The following DCP2 variants were observed in gnomAD, a reference collection of about 807,000 sequenced individuals.
DCP2 encodes m7GpppN-mRNA hydrolase.
Under a neutral mutation model 56.1 loss-of-function variants are expected in DCP2, and 30 were observed. The ratio of observed to expected loss-of-function variants is 0.53; its 90% CI spans 0.40 to 0.73. DCP2 has a LOEUF of 0.73. DCP2 is among the 30% of genes least tolerant of loss of function. The pLI is 0.00. For missense variants in DCP2, 533 were observed against 502.7 expected (o/e 1.06, Z -0.58); for synonymous variants, 197 against 163.3 (o/e 1.21, Z -1.57).
chr5:113,021,378 A>AAAAC lies in DCP2; in HGVS notation c.*7897_*7900dup, dbSNP rs1231156703. Among the ~76,000 whole-genome samples, 2 of 134,000 alleles carry AAAAC rather than the reference A, an allele frequency of 1.5e-5. No individual in the cohort carries two copies. Among genetic ancestry groups the AAAAC allele is most frequent in the East Asian group, 4.1e-4 (2 of 4,918 alleles). 87.9% of individuals were successfully genotyped at this position (134,000 alleles called of 152,430 possible). On this transcript the variant is annotated 3_prime_UTR_variant, in exon 11 of 11. Coordinates refer to ENST00000389063, the MANE Select transcript of DCP2 (RefSeq NM_152624.6). ...GCAAGACTCTGTCTGGAAAAAACAA[A>AAAAC]AAACAACCAAAAAAAAAAAAAAAAA...
At chr5:113,005,710 C>T (rs985269432) in intron 8 of DCP2, among the ~76,000 whole-genome samples, 2 of 152,182 alleles carry the variant, frequency 1.3e-5, no homozygotes, top group Non-Finnish European at 2.9e-5. Context: ...TACCAATGTT[C>T]ATAGCAGCAT....
intron 4 of DCP2, among the ~76,000 whole-genome samples, chr5:113,000,498 A>G (rs1580819992): frequency 1.3e-5 from 2 of 152,174 alleles, no homozygotes; most frequent in East Asian, 3.8e-4. Flanking sequence ...GCACATATTG[A>G]TAGGTAAACT....
Position 112,986,290 on chromosome 5 carries a change from A to G in DCP2, c.205+304A>G, listed in dbSNP as rs184701554. On this transcript the variant is annotated intron_variant, in intron 2 of 10. Coordinates refer to ENST00000389063, the MANE Select transcript of DCP2 (RefSeq NM_152624.6). Reference sequence around the variant, plus strand: ...TACTCTTGCTGCTGCATGTAACCAGATGATCTTTTAATCAGATTACTGCCT... The same window carrying G: ...TACTCTTGCTGCTGCATGTAACCAGGTGATCTTTTAATCAGATTACTGCCT... Among the ~76,000 whole-genome samples, 9 of 151,932 alleles carry G rather than the reference A, an allele frequency of 5.9e-5. No homozygotes were observed. The East Asian group carries it at 1.7e-3, about 29-fold the overall frequency.
At chr5:112,984,693 A>ATATATAT (rs1267092599) in intron 1 of DCP2, 6 of 75,716 alleles carry the variant, frequency 7.9e-5, no homozygotes, top group African/African-American at 4.6e-4. Context: ...AATTAAAAAA[A>ATATATAT]AAAAAAAAAA....
At chr5:112,989,583 T>A (rs1245901609) in intron 2 of DCP2, among the ~76,000 whole-genome samples, 1 of 152,138 alleles carries the variant, frequency 6.6e-6, no homozygotes, top group African/African-American at 2.4e-5. Flanking sequence ...GGCTAAAACA[T>A]GTAGGGGTCT....
intron 8 of DCP2, among the ~76,000 whole-genome samples, chr5:113,004,608 A>G (rs184954886): frequency 2.9e-4 from 44 of 152,298 alleles, no homozygotes; most frequent in Non-Finnish European, 5.6e-4. Flanking sequence ...CTGTCTTTTG[A>G]TGAATATACA....
intron 1 of DCP2, among the ~76,000 whole-genome samples, chr5:112,982,712 C>T (rs1000615171): frequency 2.6e-5 from 4 of 152,098 alleles, no homozygotes; most frequent in Admixed American, 6.5e-5. Context: ...AATACAGTTG[C>T]TCTGAAAAAG....
intron 1 of DCP2, among the ~76,000 whole-genome samples, chr5:112,978,864 A>G (rs922156750): frequency 6.6e-6 from 1 of 152,226 alleles, no homozygotes; most frequent in Admixed American, 6.5e-5. Flanking sequence ...GTGATCAGTA[A>G]TTAGCTGTGT....
chr5:112,977,339 T>A (rs1747761352), intron 1 of DCP2, among the ~76,000 whole-genome samples: 1 of 152,218 alleles, frequency 6.6e-6, no homozygotes, highest in Admixed American at 6.5e-5. Context: ...TTTCTGCCTC[T>A]GTGACTTTTC....
At chr5:112,996,138 A>G (rs1211547114) in intron 4 of DCP2, among the ~76,000 whole-genome samples, 3 of 152,212 alleles carry the variant, frequency 2.0e-5, no homozygotes, top group Non-Finnish European at 2.9e-5. Context: ...GACATAATTT[A>G]GTCCATAGCA....
At chr5:112,991,226 A>G (rs1748572242) in intron 2 of DCP2, among the ~76,000 whole-genome samples, 1 of 152,256 alleles carries the variant, frequency 6.6e-6, no homozygotes, top group Non-Finnish European at 1.5e-5. Flanking sequence ...AACACAGTAT[A>G]CAAATTTTTA....
Position 113,009,699 on chromosome 5 carries a change from A to G in DCP2, c.1048-1057A>G, listed in dbSNP as rs551846009. ...TAGATCTGTGCAGTGGGTTACCATC[A>G]AGTTGCTAAAAATGACAATGTACAT... On this transcript the variant is annotated intron_variant, in intron 9 of 10. Coordinates refer to ENST00000389063, the MANE Select transcript of DCP2 (RefSeq NM_152624.6). Among the ~76,000 whole-genome samples, 56 of 152,308 alleles carry G rather than the reference A, an allele frequency of 3.7e-4. No individual in the cohort carries two copies. The South Asian group carries it at 0.011, about 31-fold the overall frequency.
At position 113,014,419 on chromosome 5, in the gene DCP2, A is replaced by G. The variant is rs1235508659; in HGVS notation, c.*935A>G. On this transcript the variant is annotated 3_prime_UTR_variant, in exon 11 of 11. Transcript: ENST00000389063. ...GATGTTACATTAGGTTCCAATTCGC[A>G]ATAGTAGCAGAGACTGACATGCTTT... The G allele has an allele frequency of 6.6e-6, 1 of 152,300 alleles. No individual in the cohort carries two copies. The highest frequency in any genetic ancestry group is 1.9e-4 in the East Asian group (1 of 5,202). 9.4% of individuals were successfully genotyped at this position (152,300 alleles called of 1,614,324 possible). A position where few individuals can be genotyped will look rare whatever the true frequency, so the allele number is the denominator to read the frequency against.
At chr5:112,992,336 G>T in intron 3 of DCP2, 88 bp downstream of exon 3, 1 of 1,493,006 alleles carries the variant, frequency 6.7e-7, no homozygotes, top group Non-Finnish European at 8.9e-7. Context: ...TTTCTAAATT[G>T]AGGTTTTAAA....
At chr5:113,003,824 G>A (rs1004946003) in intron 7 of DCP2, 118 bp from the exon 8 acceptor site, 2 of 1,168,752 alleles carry the variant, frequency 1.7e-6, no homozygotes, top group Non-Finnish European at 2.5e-6. Context: ...TTACATTCCA[G>A]TGGGGAAGAT....
At chr5:112,982,933 T>C (rs1748079539) in intron 1 of DCP2, among the ~76,000 whole-genome samples, 1 of 152,232 alleles carries the variant, frequency 6.6e-6, no homozygotes, top group African/African-American at 2.4e-5. Context: ...AATACGCTTC[T>C]CCTTTATGTG....
chr5:113,001,283 A>T (rs115165195), intron 5 of DCP2, 47 bp downstream of exon 5: 2 of 1,599,320 alleles, frequency 1.3e-6, no homozygotes. Context: ...ATCCCAAATG[A>T]ATAAGTAGGG....
chr5:113,006,291 G>A (rs570175741), intron 8 of DCP2, among the ~76,000 whole-genome samples: 1 of 152,292 alleles, frequency 6.6e-6, no homozygotes, highest in South Asian at 2.1e-4. Flanking sequence ...CAAGGCTAGA[G>A]GGAGGGGAGA....
intron 2 of DCP2, among the ~76,000 whole-genome samples, chr5:112,990,235 A>T (rs534746091): frequency 3.3e-5 from 5 of 152,326 alleles, no homozygotes; most frequent in African/African-American, 9.6e-5. Context: ...CTCGAGCCAC[A>T]TCCTTTGAGT....
Sources: allele counts gnomAD v4.1 joint callset (sites outside exome capture counted in the v4.1 genomes callset), GRCh38; gene constraint gnomAD v4.1.1; transcripts MANE v1.5; gene names NCBI Gene and HGNC (gene_info 2026-07-23, HGNC 2026-07-21).